The following MMP26 variants were observed in gnomAD, a reference collection of about 807,000 sequenced individuals.
MMP26 encodes the protein matrix metalloproteinase-26.
Under a neutral mutation model 31.0 loss-of-function variants are expected in MMP26, and 33 were observed. The ratio of observed to expected loss-of-function variants is 1.06; its 90% CI spans 0.81 to 1.42. MMP26 has a LOEUF of 1.42. Ranked by LOEUF, MMP26 falls within the 40% of genes most tolerant of loss-of-function variation. The probability of loss-of-function intolerance (pLI) is 0.00; values close to 1 mark genes in which losing one functional copy is unlikely to be tolerated. For missense variants in MMP26, 347 were observed against 316.1 expected (o/e 1.10, Z -0.74); for synonymous variants, 122 against 114.9 (o/e 1.06, Z -0.40).
chr11:4,725,482 T>C (rs545081872), intron 1 of MMP26, among the ~76,000 whole-genome samples: 3,084 of 152,334 alleles, frequency 0.02, 48 homozygotes, highest in Non-Finnish European at 0.031. Flanking sequence ...AACTGCCAGC[T>C]TTTGTTGTCA....
In MMP26 at chr11:4,882,905, C is replaced by T. The variant is rs370465147; in HGVS notation, c.-144-105163C>T. 3.7e-5 allele frequency: 59 copies of T among 1,578,546 alleles called. No individual in the cohort carries two copies. The East Asian group carries it at 6.1e-4, about 16-fold the overall frequency. On this transcript the variant is annotated intron_variant, in intron 2 of 7. Coordinates refer to ENST00000380390, the MANE Select transcript of MMP26 (RefSeq NM_021801.5). Reference sequence around the variant, plus strand: ...TTGAAGGTAGGAAATTGTCAGGACACGAATTATGCTTTGGAAAGAAAGGGA... The same window carrying T: ...TTGAAGGTAGGAAATTGTCAGGACATGAATTATGCTTTGGAAAGAAAGGGA...
intron 2 of MMP26, among the ~76,000 whole-genome samples, chr11:4,959,009 C>G (rs1421857794): frequency 1.3e-5 from 2 of 152,012 alleles, no homozygotes; most frequent in African/African-American, 4.8e-5. Context: ...GAGGCCGAGG[C>G]GGGCAGATCA....
chr11:4,916,967 A>G (rs1445060056), intron 2 of MMP26, among the ~76,000 whole-genome samples: 2 of 152,186 alleles, frequency 1.3e-5, no homozygotes, highest in African/African-American at 2.4e-5. Flanking sequence ...AAGGCTCAGG[A>G]GAGTCTTGTC....
intron 2 of MMP26, among the ~76,000 whole-genome samples, chr11:4,819,451 G>T (rs1365687328): frequency 6.6e-6 from 1 of 151,698 alleles, no homozygotes; most frequent in Non-Finnish European, 1.5e-5. Context: ...TGATTAATGG[G>T]AGAATATTAA....
chr11:4,957,591 T>A (rs1199306183), intron 2 of MMP26, among the ~76,000 whole-genome samples: 3 of 152,134 alleles, frequency 2.0e-5, no homozygotes, highest in Non-Finnish European at 4.4e-5. Context: ...GGTATAAAAC[T>A]CCACCTTACA....
At position 4,992,420 on chromosome 11, in the gene MMP26, T is replaced by A; in HGVS notation, c.*178T>A. 1 of 623,342 alleles carries A rather than the reference T, an allele frequency of 1.6e-6. No individual in the cohort carries two copies. The highest frequency in any genetic ancestry group is 2.1e-5 in the South Asian group (1 of 48,014). The allele number at this position is 623,342 out of a possible 1,614,324, so 38.6% of individuals were successfully genotyped here. A position where few individuals can be genotyped will look rare whatever the true frequency, so the allele number is the denominator to read the frequency against. On this transcript the variant is annotated 3_prime_UTR_variant, in exon 8 of 8. Coordinates refer to ENST00000380390, the MANE Select transcript of MMP26 (RefSeq NM_021801.5). ...TACTGAGTCACAATAAAGATTGTTT[T>A]AAAGAGTAATATTTTGTCCTCATAA... is the stretch of plus-strand genomic sequence containing the variant.
At chr11:4,840,766 C>T (rs1441183951) in intron 2 of MMP26, among the ~76,000 whole-genome samples, 1 of 152,146 alleles carries the variant, frequency 6.6e-6, no homozygotes, top group Non-Finnish European at 1.5e-5. Context: ...AATGACCAAA[C>T]AGTGAATAAC....
chr11:4,753,392 T>C (rs1358360954), intron 1 of MMP26, among the ~76,000 whole-genome samples: 1 of 152,164 alleles, frequency 6.6e-6, no homozygotes, highest in Non-Finnish European at 1.5e-5. Context: ...TTAACTTCAA[T>C]TTATTTAAAT....
chr11:4,822,474 A>T (rs891777778), intron 2 of MMP26: 2 of 1,159,860 alleles, frequency 1.7e-6, no homozygotes, highest in Non-Finnish European at 2.3e-6. Flanking sequence ...CAACAGTCCA[A>T]ACTAAGCAAT....
chr11:4,820,980 G>A (rs1849488631), intron 2 of MMP26, among the ~76,000 whole-genome samples: 2 of 152,008 alleles, frequency 1.3e-5, no homozygotes, highest in Admixed American at 1.3e-4. Flanking sequence ...ATTTTCCAAG[G>A]AAATATAATA....
chr11:4,816,006 T>C (rs1337942577), intron 2 of MMP26, among the ~76,000 whole-genome samples: 13 of 152,256 alleles, frequency 8.5e-5, no homozygotes. Flanking sequence ...GATGTAGGCA[T>C]TTATTGCTAT....
intron 2 of MMP26, among the ~76,000 whole-genome samples, chr11:4,836,441 A>G (rs1849719938): frequency 6.6e-6 from 1 of 150,560 alleles, no homozygotes; most frequent in Non-Finnish European, 1.5e-5. Flanking sequence ...AATATTATAT[A>G]TACATATAAT....
chr11:4,865,587 C>T (rs1589923624), intron 2 of MMP26, among the ~76,000 whole-genome samples: 1 of 145,724 alleles, frequency 6.9e-6, no homozygotes, highest in African/African-American at 2.8e-5. Flanking sequence ...CTTCTTCTTC[C>T]TCCTCCTCCT....
intron 2 of MMP26, chr11:4,821,353 A>C (rs1357687977): frequency 2.0e-6 from 3 of 1,525,306 alleles, no homozygotes; most frequent in South Asian, 2.3e-5. Context: ...GAGATGTTAC[A>C]AGTGATAAAC....
At chr11:4,908,915 G>T in intron 2 of MMP26, 1 of 154,740 alleles carries the variant, frequency 6.5e-6, no homozygotes, top group Admixed American at 6.4e-5. Flanking sequence ...AGATGAGGAA[G>T]GAAGATTAAC....
intron 1 of MMP26, among the ~76,000 whole-genome samples, chr11:4,744,641 G>C (rs965232556): frequency 1.3e-5 from 2 of 152,152 alleles, no homozygotes; most frequent in Admixed American, 1.3e-4. Flanking sequence ...ATTCTTAAGG[G>C]ATCTTTCTGA....
At chr11:4,775,401 A>G (rs1848778214) in intron 2 of MMP26, among the ~76,000 whole-genome samples, 1 of 152,086 alleles carries the variant, frequency 6.6e-6, no homozygotes. Flanking sequence ...TGTGAATGGG[A>G]GTTCATTCAT....
At chr11:4,862,803 G>A (rs1324367734) in intron 2 of MMP26, among the ~76,000 whole-genome samples, 1 of 152,144 alleles carries the variant, frequency 6.6e-6, no homozygotes, top group Admixed American at 6.6e-5. Context: ...TTTTTGAAAG[G>A]TAGTGTAGTC....
At chr11:4,944,798 A>G (rs1291896019) in intron 2 of MMP26, 1 of 152,162 alleles carries the variant, frequency 6.6e-6, no homozygotes, top group Non-Finnish European at 1.5e-5. Context: ...CCTGTTTTAA[A>G]AATCATTAGC....
Sources: allele counts gnomAD v4.1 joint callset (sites outside exome capture counted in the v4.1 genomes callset), GRCh38; gene constraint gnomAD v4.1.1; transcripts MANE v1.5; gene names NCBI Gene and HGNC (gene_info 2026-07-23, HGNC 2026-07-21).